The following CNTNAP5 variants were observed in gnomAD, a reference collection of about 807,000 sequenced individuals.
CNTNAP5 encodes contactin-associated protein-like 5.
Under a neutral mutation model 150.2 loss-of-function variants are expected in CNTNAP5, and 72 were observed. The observed-to-expected ratio is 0.48, with a 90% CI of 0.40 to 0.58. The LOEUF (loss-of-function observed/expected upper bound fraction) is 0.58, where lower values mean the gene tolerates loss of function less well. CNTNAP5 is among the 20% of genes least tolerant of loss of function. The pLI is 0.00. For synonymous variants in CNTNAP5, 672 were observed against 619.8 expected, an observed-to-expected ratio of 1.08 and a Z score of -1.25; for missense variants, 1,636 against 1,626.2, an observed-to-expected ratio of 1.01 and a Z score of -0.10.
intron 1 of CNTNAP5, among the ~76,000 whole-genome samples, chr2:124,103,804 A>T (rs949279929): frequency 6.7e-6 from 1 of 148,660 alleles, no homozygotes; most frequent in Non-Finnish European, 1.5e-5. Context: ...GTTATATTAT[A>T]TATAACTTAA....
At chr2:124,177,642 G>T (rs1365493086) in intron 1 of CNTNAP5, among the ~76,000 whole-genome samples, 1 of 152,108 alleles carries the variant, frequency 6.6e-6, no homozygotes, top group South Asian at 2.1e-4. Flanking sequence ...GCATGTTTTA[G>T]ATATTTTTAA....
intron 13 of CNTNAP5, among the ~76,000 whole-genome samples, chr2:124,701,372 C>T (rs1679517663): frequency 1.3e-5 from 2 of 152,110 alleles, no homozygotes; most frequent in South Asian, 4.1e-4. Context: ...AGTTTTAGGG[C>T]TGAATAATAT....
intron 3 of CNTNAP5, among the ~76,000 whole-genome samples, chr2:124,252,377 A>G (rs1226245762): frequency 6.6e-6 from 1 of 152,106 alleles, no homozygotes; most frequent in Non-Finnish European, 1.5e-5. Flanking sequence ...AAACCCAGAA[A>G]TGCCAAAGCT....
Position 124,485,771 on chromosome 2 carries a change from G to A in CNTNAP5, c.1062+10889G>A, listed in dbSNP as rs1693866016. ...CTGGGGTCAACCATGCAGATTCCCT[G>A]GGACTCCCACTGAAGAACAGTAATG... On this transcript the variant is annotated intron_variant, in intron 7 of 23. Transcript: ENST00000682447. 2.6e-5 allele frequency among the ~76,000 whole-genome samples: 4 copies of A among 152,034 alleles called. No individual in the cohort carries two copies. In the South Asian group the frequency reaches 6.2e-4, roughly 24 times the overall value.
intron 2 of CNTNAP5, among the ~76,000 whole-genome samples, chr2:124,237,806 C>T (rs2104761369): frequency 6.6e-6 from 1 of 152,250 alleles, no homozygotes; most frequent in Admixed American, 6.5e-5. Flanking sequence ...CATTGCACTC[C>T]AGCCTGGGCG....
chr2:124,319,601 T>G (rs904474988), intron 3 of CNTNAP5, among the ~76,000 whole-genome samples: 5 of 152,228 alleles, frequency 3.3e-5, no homozygotes, highest in Non-Finnish European at 7.3e-5. Flanking sequence ...ATTTTTATTT[T>G]CCACATTACT....
chr2:124,026,328 A>G (rs1680887721), intron 1 of CNTNAP5, among the ~76,000 whole-genome samples: 2 of 152,128 alleles, frequency 1.3e-5, no homozygotes, highest in South Asian at 4.1e-4. Context: ...GGCTGCCCCT[A>G]TTACAGGAGG....
intron 3 of CNTNAP5, among the ~76,000 whole-genome samples, chr2:124,349,449 T>C (rs548124852): frequency 3.3e-4 from 50 of 152,198 alleles, no homozygotes; most frequent in Non-Finnish European, 4.9e-4. Context: ...GCTTCTTATT[T>C]TCCCGTTTGT....
intron 13 of CNTNAP5, among the ~76,000 whole-genome samples, chr2:124,695,515 G>C (rs1469886131): frequency 6.6e-6 from 1 of 152,146 alleles, no homozygotes; most frequent in Non-Finnish European, 1.5e-5. Flanking sequence ...AAGAATTTGT[G>C]TACAGGGAAA....
chr2:124,776,970 T>C (rs139399774), intron 17 of CNTNAP5, among the ~76,000 whole-genome samples: 83 of 152,266 alleles, frequency 5.5e-4, no homozygotes, highest in African/African-American at 1.9e-3. Context: ...GAAACATTAA[T>C]GTATGACTTT....
rs772317705 is a variant in CNTNAP5 at position 124,914,322 on chromosome 2, G to T, written c.*34G>T. ...AGGGTTCCTACTACTCTTTTTTCTT[G>T]TTGTTCAATTATCTCCTCCCCCTCT... is the stretch of plus-strand genomic sequence containing the variant. On this transcript the variant is annotated 3_prime_UTR_variant, in exon 24 of 24. Coordinates refer to ENST00000682447, the MANE Select transcript of CNTNAP5 (RefSeq NM_001367498.1). 2 of 1,478,842 alleles carry T rather than the reference G, an allele frequency of 1.4e-6. No individual in the cohort carries two copies. The highest frequency in any genetic ancestry group is 9.4e-7 in the Non-Finnish European group (1 of 1,066,522). 91.6% of individuals were successfully genotyped at this position (1,478,842 alleles called of 1,614,324 possible). A position where few individuals can be genotyped will look rare whatever the true frequency, so the allele number is the denominator to read the frequency against.
chr2:124,482,538 A>G (rs1223786814), intron 7 of CNTNAP5, among the ~76,000 whole-genome samples: 2 of 152,152 alleles, frequency 1.3e-5, no homozygotes, highest in Non-Finnish European at 2.9e-5. Flanking sequence ...GGCTGGGCAG[A>G]TCCGTGAACA....
chr2:124,427,633 T>G, intron 4 of CNTNAP5, among the ~76,000 whole-genome samples: 1 of 151,926 alleles, frequency 6.6e-6, no homozygotes, highest in Admixed American at 6.6e-5. Flanking sequence ...ATTTTTGTAT[T>G]TTTAGTAGAG....
At chr2:124,263,189 G>A (rs549402325) in intron 3 of CNTNAP5, among the ~76,000 whole-genome samples, 4 of 152,170 alleles carry the variant, frequency 2.6e-5, no homozygotes, top group East Asian at 3.9e-4. Context: ...TGGGTCAAAC[G>A]GTATTTCTAG....
rs868783388 is a variant in CNTNAP5 at position 124,915,770 on chromosome 2, T to C, written c.*1482T>C. The stretch of plus-strand genomic sequence containing the variant: ...CTTGAGCTCATCCATGGGGTGGCGG[T>C]AAAGATCTTAATGATTTTTCTGTGG... On this transcript the variant is annotated 3_prime_UTR_variant, in exon 24 of 24. Coordinates refer to ENST00000682447, the MANE Select transcript of CNTNAP5 (RefSeq NM_001367498.1). Among the ~76,000 whole-genome samples, 1 of 152,034 alleles carries C rather than the reference T, an allele frequency of 6.6e-6. No homozygotes were observed. Among genetic ancestry groups the C allele is most frequent in the Non-Finnish European group, 1.5e-5 (1 of 67,956 alleles).
chr2:124,666,554 C>T (rs1437880497), intron 13 of CNTNAP5, among the ~76,000 whole-genome samples: 1 of 152,150 alleles, frequency 6.6e-6, no homozygotes, highest in African/African-American at 2.4e-5. Context: ...GATCTCCCTT[C>T]CCATCATGAC....
At chr2:124,342,512 A>C (rs900893924) in intron 3 of CNTNAP5, among the ~76,000 whole-genome samples, 3 of 152,146 alleles carry the variant, frequency 2.0e-5, no homozygotes, top group African/African-American at 7.2e-5. Context: ...TTTCCTTAAA[A>C]TGGTCAGATT....
At chr2:124,175,567 T>C (rs1685045181) in intron 1 of CNTNAP5, among the ~76,000 whole-genome samples, 1 of 152,144 alleles carries the variant, frequency 6.6e-6, no homozygotes, top group Admixed American at 6.5e-5. Flanking sequence ...TAGTACCCAA[T>C]AGGTAGTTTT....
At chr2:124,894,794 C>T (rs558781202) in intron 21 of CNTNAP5, among the ~76,000 whole-genome samples, 2 of 151,488 alleles carry the variant, frequency 1.3e-5, no homozygotes, top group South Asian at 4.2e-4. Flanking sequence ...ATCAAGCAAT[C>T]CTCCTGCCTT....
Sources: gnomAD v4.1 joint callset for allele counts (sites outside exome capture counted in the v4.1 genomes callset) on GRCh38, gnomAD v4.1.1 for gene constraint, MANE v1.5 for transcripts, NCBI Gene and HGNC (gene_info 2026-07-23, HGNC 2026-07-21) for gene names.